FMN2: variants seen among roughly 807,000 people sequenced by gnomAD.
The protein encoded by FMN2 is formin-2.
In FMN2, 51 loss-of-function variants were observed where a neutral mutation model predicts 142.3. The ratio of observed to expected loss-of-function variants is 0.36; its 90% CI spans 0.29 to 0.45. The LOEUF (loss-of-function observed/expected upper bound fraction) is 0.45, where lower values mean the gene tolerates loss of function less well. Ranked by LOEUF, FMN2 falls within the 20% of genes least tolerant of loss-of-function variation. The probability of loss-of-function intolerance (pLI) is 1.00; values close to 1 mark genes in which losing one functional copy is unlikely to be tolerated. For missense variants in FMN2, 1,936 were observed against 2,122.8 expected, an observed-to-expected ratio of 0.91 and a Z score of 1.73; for synonymous variants, 882 against 869.8, an observed-to-expected ratio of 1.01 and a Z score of -0.25.
intron 8 of FMN2, among the ~76,000 whole-genome samples, chr1:240,306,689 A>C (rs1337395928): frequency 6.6e-6 from 1 of 152,172 alleles, no homozygotes; most frequent in Non-Finnish European, 1.5e-5. Flanking sequence ...TTGCTATTGC[A>C]AATAGTGCTG....
chr1:240,146,892 T>G (rs1663505972), intron 2 of FMN2, among the ~76,000 whole-genome samples: 1 of 152,098 alleles, frequency 6.6e-6, no homozygotes, highest in Non-Finnish European at 1.5e-5. Context: ...GGAATCTTGA[T>G]AGAATGGGAA....
intron 2 of FMN2, among the ~76,000 whole-genome samples, chr1:240,123,982 G>C (rs545459324): frequency 2.6e-5 from 4 of 152,204 alleles, no homozygotes; most frequent in Non-Finnish European, 4.4e-5. Flanking sequence ...ATTCATCCAT[G>C]TTGGAGCATG....
At chr1:240,451,693 A>G (rs1676050901) in intron 16 of FMN2, among the ~76,000 whole-genome samples, 2 of 152,128 alleles carry the variant, frequency 1.3e-5, no homozygotes, top group Admixed American at 6.5e-5. Flanking sequence ...TAGTAGAGCA[A>G]TAGAAGAAAG....
At chr1:240,146,733 G>T (rs1663499525) in intron 2 of FMN2, among the ~76,000 whole-genome samples, 1 of 152,058 alleles carries the variant, frequency 6.6e-6, no homozygotes, top group Admixed American at 6.6e-5. Context: ...TAGAGTGCCT[G>T]ATTTACTATT....
rs530358725 is a variant in FMN2, at chr1:240,111,158, T to C, written c.1616-12021T>C. Among the ~76,000 whole-genome samples, 3 of 152,216 alleles carry C rather than the reference T, an allele frequency of 2.0e-5. No homozygotes were observed. The South Asian group carries it at 6.2e-4, about 32-fold the overall frequency. On this transcript the variant is annotated intron_variant, in intron 1 of 17. Coordinates refer to ENST00000319653, the MANE Select transcript of FMN2 (RefSeq NM_020066.5). ...TTTTCACAGTAATCCTCGGAGGTAA[T>C]GAGGATGATTATTTCCAATTTCTAG...
rs372829623 is a variant in FMN2 at position 240,236,631 on chromosome 1, G to A, written c.4066-21314G>A. On this transcript the variant is annotated intron_variant, in intron 6 of 17. Coordinates refer to ENST00000319653, the MANE Select transcript of FMN2 (RefSeq NM_020066.5). The stretch of plus-strand genomic sequence containing the variant: ...CGGCAGAAGGTGAAGAGGGGAGCAG[G>A]GATGTCACATGGTGAGAGAGGAAGC... Among the ~76,000 whole-genome samples, 3 of 152,296 alleles carry A rather than the reference G, an allele frequency of 2.0e-5. No homozygotes were observed. The East Asian group carries it at 5.8e-4, about 29-fold the overall frequency.
intron 6 of FMN2, among the ~76,000 whole-genome samples, chr1:240,254,125 T>C (rs919425520): frequency 2.6e-5 from 4 of 152,016 alleles, no homozygotes; most frequent in African/African-American, 9.7e-5. Flanking sequence ...AGAAGTGGGC[T>C]GGGTGGCTGG....
At chr1:240,136,586 G>A (rs537110603) in intron 2 of FMN2, among the ~76,000 whole-genome samples, 78 of 152,014 alleles carry the variant, frequency 5.1e-4, no homozygotes, top group Non-Finnish European at 9.4e-4. Flanking sequence ...ACAGTGTTGG[G>A]TGACTCAGAA....
intron 6 of FMN2, among the ~76,000 whole-genome samples, chr1:240,234,371 G>A (rs537806540): frequency 5.9e-4 from 90 of 152,114 alleles, no homozygotes; most frequent in Non-Finnish European, 9.8e-4. Flanking sequence ...AACTTCTGTC[G>A]GAGAAGATAT....
At chr1:240,148,993 TA>T in intron 2 of FMN2, among the ~76,000 whole-genome samples, 1 of 150,866 alleles carries the variant, frequency 6.6e-6, no homozygotes, top group South Asian at 2.1e-4. Flanking sequence ...AATAAATAAA[TA>T]AAAAACTCGT....
intron 3 of FMN2, among the ~76,000 whole-genome samples, chr1:240,186,708 C>A (rs1665467447): frequency 6.6e-6 from 1 of 152,078 alleles, no homozygotes; most frequent in African/African-American, 2.4e-5. Flanking sequence ...TGTGACAAGA[C>A]AAGTAAGCTG....
At chr1:240,420,396 C>G (rs1674722291) in intron 15 of FMN2, among the ~76,000 whole-genome samples, 1 of 152,190 alleles carries the variant, frequency 6.6e-6, no homozygotes, top group African/African-American at 2.4e-5. Context: ...GAGCCTCTTC[C>G]TGAATCGCTC....
Position 240,092,360 on chromosome 1 carries a change from T to C in FMN2, c.251T>C (p.Leu84Pro), listed in dbSNP as rs759932550. Residue 84 changes from leucine to proline, a missense_variant, in exon 1 of 18, where the codon CTG (leucine) becomes CCG (proline). By Grantham distance (98) the Leu-to-Pro change is moderately conservative. Coordinates refer to ENST00000319653, the MANE Select transcript of FMN2 (RefSeq NM_020066.5). ...TCCAACCTGCGGATCAGGAAGAATC[T>C]GTCCAAGGGGAAAGGCGCCGGCGGC... ...VFSNLRIRKN[L>P]SKGKGAGGSR... 6.2e-7 allele frequency: 1 copy of C among 1,609,060 alleles called. No individual in the cohort carries two copies. The highest frequency in any genetic ancestry group is 1.7e-5 in the Admixed American group (1 of 59,784).
At chr1:240,243,232 AT>A (rs1166030994) in intron 6 of FMN2, among the ~76,000 whole-genome samples, 1 of 152,212 alleles carries the variant, frequency 6.6e-6, no homozygotes, top group Non-Finnish European at 1.5e-5. Context: ...AAGATTTAAA[AT>A]GACTGCTGTT....
At chr1:240,119,895 T>C (rs1312402562) in intron 1 of FMN2, among the ~76,000 whole-genome samples, 1 of 152,196 alleles carries the variant, frequency 6.6e-6, no homozygotes, top group Non-Finnish European at 1.5e-5. Flanking sequence ...CTATTTTCAG[T>C]AATTCGGTAA....
chr1:240,451,881 G>A (rs1343399600), intron 16 of FMN2, among the ~76,000 whole-genome samples: 1 of 151,768 alleles, frequency 6.6e-6, no homozygotes, highest in Non-Finnish European at 1.5e-5. Flanking sequence ...TTTTATAATG[G>A]ACATCTAAAG....
At chr1:240,122,088 A>G (rs548444286) in intron 1 of FMN2, among the ~76,000 whole-genome samples, 103 of 145,180 alleles carry the variant, frequency 7.1e-4, no homozygotes, top group African/African-American at 2.5e-3. Flanking sequence ...TTATTTATTT[A>G]TTTATGAATT....
At position 240,454,935 on chromosome 1, in the gene FMN2, GAC is replaced by G. The variant is rs71932019; in HGVS notation, c.5060+16729_5060+16730del. ...GGTTAGATGAGGAGTTACTGGAAAT[GAC>G]ACAACCATTCAAGAAAGAATACAAA... On this transcript the variant is annotated intron_variant, in intron 16 of 17. Coordinates refer to ENST00000319653, the MANE Select transcript of FMN2 (RefSeq NM_020066.5). 8.5e-3 allele frequency among the ~76,000 whole-genome samples: 1,298 copies of G among 152,184 alleles called. 23 individuals are homozygous for G. Among genetic ancestry groups the G allele is most frequent in the African/African-American group, 0.03 (1,229 of 41,512 alleles).
At chr1:240,209,501 G>A (rs1365613239) in intron 5 of FMN2, among the ~76,000 whole-genome samples, 9 of 150,226 alleles carry the variant, frequency 6.0e-5, no homozygotes, top group Admixed American at 4.0e-4. Context: ...TGATCCGCCC[G>A]CCTCGGCTTC....
Sources: allele counts gnomAD v4.1 joint callset (sites outside exome capture counted in the v4.1 genomes callset), GRCh38; gene constraint gnomAD v4.1.1; transcripts MANE v1.5; gene names NCBI Gene and HGNC (gene_info 2026-07-23, HGNC 2026-07-21).